PCSK6: variants seen among roughly 807,000 people sequenced by gnomAD.
PCSK6 encodes the protein paired basic amino acid cleaving enzyme 4.
In PCSK6, 85 loss-of-function variants were observed where a neutral mutation model predicts 123.3. The ratio of observed to expected loss-of-function variants is 0.69; its 90% CI spans 0.58 to 0.83. PCSK6 has a LOEUF of 0.83. Among genes scored for constraint, PCSK6 ranks in the 40% least tolerant of loss-of-function variants. The pLI is 0.00. For synonymous variants in PCSK6, 508 were observed against 516.0 expected, an observed-to-expected ratio of 0.98 and a Z score of 0.21; for missense variants, 1,191 against 1,282.3, an observed-to-expected ratio of 0.93 and a Z score of 1.09.
chr15:101,363,408 G>A (rs536689773), intron 13 of PCSK6, among the ~76,000 whole-genome samples: 1 of 152,346 alleles, frequency 6.6e-6, no homozygotes, highest in Non-Finnish European at 1.5e-5. Flanking sequence ...AGCCTCCCAG[G>A]CAAGCAGGCC....
At chr15:101,397,843 A>T (rs999982173) in intron 7 of PCSK6, among the ~76,000 whole-genome samples, 3 of 152,232 alleles carry the variant, frequency 2.0e-5, no homozygotes, top group African/African-American at 7.2e-5. Flanking sequence ...CCCTTGGCCC[A>T]TCGGCAGAGA....
chr15:101,455,946 AG>A (rs1188366320), intron 1 of PCSK6, among the ~76,000 whole-genome samples: 3 of 149,782 alleles, frequency 2.0e-5, no homozygotes, highest in South Asian at 2.1e-4. Context: ...TTCTCCGGCA[AG>A]CTGTATGCTA....
chr15:101,435,698 T>C (rs1244841472), intron 2 of PCSK6, among the ~76,000 whole-genome samples: 1 of 152,238 alleles, frequency 6.6e-6, no homozygotes, highest in African/African-American at 2.4e-5. Context: ...CTTTCTTTTG[T>C]AGTGTGTGCT....
At chr15:101,312,984 G>T in intron 20 of PCSK6, 1 of 1,137,148 alleles carries the variant, frequency 8.8e-7, no homozygotes, top group Non-Finnish European at 1.1e-6. Context: ...CAGCCTGGGC[G>T]ACAGAGTGAG....
At chr15:101,347,449 G>A in intron 13 of PCSK6, 1 of 1,253,580 alleles carries the variant, frequency 8.0e-7, no homozygotes, top group Non-Finnish European at 1.0e-6. Context: ...ACACAGAAGA[G>A]ACTAATCTCT....
chr15:101,341,400 T>A (rs1439325067), intron 13 of PCSK6, among the ~76,000 whole-genome samples: 1 of 151,906 alleles, frequency 6.6e-6, no homozygotes, highest in African/African-American at 2.4e-5. Flanking sequence ...TAGTTGGGAT[T>A]ACAGGCGCCT....
intron 1 of PCSK6, among the ~76,000 whole-genome samples, chr15:101,467,958 C>CG (rs1264973051): frequency 6.6e-6 from 1 of 152,130 alleles, no homozygotes; most frequent in Non-Finnish European, 1.5e-5. Flanking sequence ...AGTCACTGGA[C>CG]GGGTGGTGGC....
chr15:101,378,495 A>G (rs1469788639), intron 11 of PCSK6, among the ~76,000 whole-genome samples: 1 of 152,244 alleles, frequency 6.6e-6, no homozygotes, highest in African/African-American at 2.4e-5. Context: ...AAAGCCTATG[A>G]TGGGCCCTAC....
intron 1 of PCSK6, among the ~76,000 whole-genome samples, chr15:101,455,785 TGAA>T (rs1298325227): frequency 6.6e-6 from 1 of 152,222 alleles, no homozygotes; most frequent in Non-Finnish European, 1.5e-5. Context: ...TAATTAAAAA[TGAA>T]GAAGCTACTG....
chr15:101,340,945 AT>A (rs34151107), intron 13 of PCSK6, among the ~76,000 whole-genome samples: 8,200 of 139,258 alleles, frequency 0.059, 385 homozygotes, highest in African/African-American at 0.17. Context: ...CTTCTCCCAA[AT>A]TTTTTTTTTT....
rs150509289 is a variant in PCSK6, at chr15:101,483,979, TTC to T, written c.297+5393_297+5394del. ...ACCATGTGCATCTCCCTTTTCTTTT[TTC>T]TCTCTTCAATGTTTTATGTGTATCT... is the stretch of plus-strand genomic sequence containing the variant. On this transcript the variant is annotated intron_variant, in intron 1 of 21. Transcript: ENST00000611716. Among the ~76,000 whole-genome samples, 129 of 152,368 alleles carry T rather than the reference TTC, an allele frequency of 8.5e-4. 1 individual carries two copies. In the East Asian group the frequency reaches 0.02, roughly 24 times the overall value.
At chr15:101,370,598 G>A (rs1035335419) in intron 11 of PCSK6, 75 bp from the exon 12 acceptor site, 64 of 1,314,932 alleles carry the variant, frequency 4.9e-5, no homozygotes, top group Non-Finnish European at 5.7e-5. Context: ...GAGCTCCAGC[G>A]CCCGTCCACT....
chr15:101,353,354 G>A (rs1420604803), intron 13 of PCSK6, among the ~76,000 whole-genome samples: 1 of 152,182 alleles, frequency 6.6e-6, no homozygotes, highest in Non-Finnish European at 1.5e-5. Context: ...GGCAGAAGTG[G>A]GAGTGACAGG....
chr15:101,335,941 A>G (rs2141378156), intron 13 of PCSK6, among the ~76,000 whole-genome samples: 1 of 152,372 alleles, frequency 6.6e-6, no homozygotes, highest in East Asian at 1.9e-4. Context: ...AGGCAACTGT[A>G]ACACAATGAT....
intron 6 of PCSK6, among the ~76,000 whole-genome samples, chr15:101,422,618 C>T (rs2056117696): frequency 7.2e-6 from 1 of 139,236 alleles, no homozygotes; most frequent in Non-Finnish European, 1.5e-5. Context: ...ACTGCTAGAA[C>T]GAAACTTTTT....
chr15:101,398,723 C>T lies in PCSK6; in HGVS notation c.824-147G>A. 1 of 823,154 alleles carries T rather than the reference C, an allele frequency of 1.2e-6. No individual in the cohort carries two copies. Among genetic ancestry groups the T allele is most frequent in the Non-Finnish European group, 1.8e-6 (1 of 546,886 alleles). 51.0% of individuals were successfully genotyped at this position (823,154 alleles called of 1,614,324 possible). On this transcript the variant is annotated intron_variant, in intron 6 of 21. Transcript: ENST00000611716. The surrounding 1 kb of genome is among the most constrained non-coding windows in gnomAD (Gnocchi z 4.6). ...GTTCCCAGTCATTCTGCAAAACTGGCTCCTCTTCTCCATGCTGGCTGATGT... is the reference window on the plus strand; with the variant it reads ...GTTCCCAGTCATTCTGCAAAACTGGTTCCTCTTCTCCATGCTGGCTGATGT...
At chr15:101,347,464 C>T in intron 13 of PCSK6, 1 of 1,255,230 alleles carries the variant, frequency 8.0e-7, no homozygotes. Context: ...ATCTCTTCCC[C>T]TTCATTAAAC....
At chr15:101,371,046 A>T (rs1424463817) in intron 11 of PCSK6, among the ~76,000 whole-genome samples, 7 of 152,162 alleles carry the variant, frequency 4.6e-5, no homozygotes, top group African/African-American at 1.7e-4. Context: ...CTGTCTACTA[A>T]AAATACAAAA....
At chr15:101,488,773 C>A (rs2058082208) in intron 1 of PCSK6, among the ~76,000 whole-genome samples, 1 of 151,540 alleles carries the variant, frequency 6.6e-6, no homozygotes. Context: ...CGACGGCGGC[C>A]GGGCTCCAGG....
Sources: allele counts gnomAD v4.1 joint callset (sites outside exome capture counted in the v4.1 genomes callset), GRCh38; gene constraint gnomAD v4.1.1; non-coding constraint Gnocchi (gnomAD v3.1); transcripts MANE v1.5; gene names NCBI Gene and HGNC (gene_info 2026-07-23, HGNC 2026-07-21).